Variants in DLC1 observed in about 807,000 individuals in gnomAD.
DLC1 encodes DLC1 Rho GTPase activating protein, also known as rho GTPase-activating protein 7.
In DLC1, 54 loss-of-function variants were observed where a neutral mutation model predicts 140.3. The ratio of observed to expected loss-of-function variants is 0.38; its 90% CI spans 0.31 to 0.48. The LOEUF (loss-of-function observed/expected upper bound fraction) is 0.48, where lower values mean the gene tolerates loss of function less well. Among genes scored for constraint, DLC1 ranks in the 20% least tolerant of loss-of-function variants. The pLI is 0.96. For synonymous variants in DLC1, 986 were observed against 728.1 expected, an observed-to-expected ratio of 1.35 and a Z score of -5.70; for missense variants, 2,536 against 1,907.0, an observed-to-expected ratio of 1.33 and a Z score of -6.14.
At chr8:13,249,203 A>C (rs1157726651) in intron 5 of DLC1, among the ~76,000 whole-genome samples, 2 of 152,060 alleles carry the variant, frequency 1.3e-5, no homozygotes, top group Non-Finnish European at 2.9e-5. Context: ...CAGCCTCCTG[A>C]GTAGCTGGGA....
intron 5 of DLC1, among the ~76,000 whole-genome samples, chr8:13,135,123 A>G (rs1267192220): frequency 6.6e-6 from 1 of 152,038 alleles, no homozygotes; most frequent in East Asian, 1.9e-4. Context: ...ACGGGAGGCC[A>G]GGAAAGTAAA....
chr8:13,404,405 C>T (rs1055136759), intron 2 of DLC1, among the ~76,000 whole-genome samples: 5 of 152,120 alleles, frequency 3.3e-5, no homozygotes, highest in African/African-American at 7.2e-5. Context: ...CCAGTGTCAG[C>T]TGGCATATGG....
At chr8:13,538,813 T>C (rs1803386280) in intron 1 of DLC1, among the ~76,000 whole-genome samples, 1 of 152,230 alleles carries the variant, frequency 6.6e-6, no homozygotes, top group African/African-American at 2.4e-5. Flanking sequence ...AACCTCACTG[T>C]ATGTGAGCAA....
At chr8:13,516,421 T>A (rs1042873448), upstream of DLC1, among the ~76,000 whole-genome samples, 2 of 152,232 alleles carry the variant, frequency 1.3e-5, no homozygotes, top group African/African-American at 4.8e-5. Flanking sequence ...CTTGTAGTAC[T>A]TTTTGATAAT....
At chr8:13,419,222 A>T (rs1838203536) in intron 2 of DLC1, among the ~76,000 whole-genome samples, 3 of 151,882 alleles carry the variant, frequency 2.0e-5, no homozygotes, top group African/African-American at 7.3e-5. Context: ...CTCCTGCCTA[A>T]TTGCCCTGGC....
At chr8:13,520,698 G>T (rs1441767176) in intron 1 of DLC1, among the ~76,000 whole-genome samples, 1 of 152,074 alleles carries the variant, frequency 6.6e-6, no homozygotes, top group African/African-American at 2.4e-5. Flanking sequence ...TCTTAGAAGC[G>T]AATGAGTCTG....
intron 1 of DLC1, among the ~76,000 whole-genome samples, chr8:13,566,499 T>G (rs771139813): frequency 6.6e-6 from 1 of 152,088 alleles, no homozygotes; most frequent in East Asian, 1.9e-4. Context: ...CTATAAACAC[T>G]GCAGACAAGT....
chr8:13,409,273 A>T (rs142002157), intron 2 of DLC1, among the ~76,000 whole-genome samples: 1,837 of 152,276 alleles, frequency 0.012, 31 homozygotes, highest in South Asian at 0.045. Context: ...TTAAACTACA[A>T]AATTATCAAA....
At chr8:13,221,254 C>A (rs1003650789) in intron 5 of DLC1, among the ~76,000 whole-genome samples, 1 of 152,080 alleles carries the variant, frequency 6.6e-6, no homozygotes, top group African/African-American at 2.4e-5. Context: ...GACAGCACAC[C>A]CAAATAGAGA....
intron 4 of DLC1, among the ~76,000 whole-genome samples, chr8:13,328,208 G>C (rs774940878): frequency 1.3e-4 from 20 of 152,198 alleles, no homozygotes; most frequent in Non-Finnish European, 1.5e-4. Flanking sequence ...GATCTCTGTG[G>C]CTCCTATGAG....
intron 2 of DLC1, among the ~76,000 whole-genome samples, chr8:13,478,606 C>T (rs1029834764): frequency 3.9e-4 from 60 of 152,136 alleles, no homozygotes; most frequent in African/African-American, 1.4e-3. Flanking sequence ...GTCTTTCCTC[C>T]GAGCCCTGGA....
intron 1 of DLC1, among the ~76,000 whole-genome samples, chr8:13,508,620 G>T (rs529326384): frequency 1.3e-5 from 2 of 152,004 alleles, no homozygotes; most frequent in Admixed American, 1.3e-4. Context: ...GGGTTTCACT[G>T]TGTTAGCCAG....
intron 2 of DLC1, among the ~76,000 whole-genome samples, chr8:13,434,244 T>C (rs1839012843): frequency 6.6e-6 from 1 of 152,228 alleles, no homozygotes; most frequent in South Asian, 2.1e-4. Flanking sequence ...ATGAGGATGA[T>C]GTCATAACTA....
chr8:13,341,258 T>C (rs1001295601), intron 4 of DLC1: 3 of 152,132 alleles, frequency 2.0e-5, no homozygotes, highest in African/African-American at 7.2e-5. Flanking sequence ...TCCTACCATA[T>C]ATAAAAGAAC....
chr8:13,279,731 T>C (rs917728902), intron 5 of DLC1, among the ~76,000 whole-genome samples: 8 of 152,216 alleles, frequency 5.3e-5, no homozygotes, highest in African/African-American at 1.9e-4. Context: ...ACAACCAGTT[T>C]TAAATTATTC....
intron 5 of DLC1, among the ~76,000 whole-genome samples, chr8:13,121,224 A>G (rs1821030758): frequency 6.6e-6 from 1 of 152,202 alleles, no homozygotes; most frequent in Non-Finnish European, 1.5e-5. Context: ...TTATTGCTAG[A>G]GAACCGTGTC....
At chr8:13,294,209 G>A (rs149169229) in intron 5 of DLC1, among the ~76,000 whole-genome samples, 27 of 152,218 alleles carry the variant, frequency 1.8e-4, no homozygotes, top group East Asian at 9.7e-4. Flanking sequence ...ATACTTTCTG[G>A]TTAGTTTTGC....
At chr8:13,589,371 G>T (rs1203066610) in intron 1 of DLC1, among the ~76,000 whole-genome samples, 1 of 152,008 alleles carries the variant, frequency 6.6e-6, no homozygotes, top group Non-Finnish European at 1.5e-5. Flanking sequence ...CAACAGCAAG[G>T]CACAATGAGT....
At chr8:13,318,128 A>G (rs1358951470) in intron 4 of DLC1, among the ~76,000 whole-genome samples, 1 of 152,118 alleles carries the variant, frequency 6.6e-6, no homozygotes, top group Non-Finnish European at 1.5e-5. Flanking sequence ...CCTGAGCCCA[A>G]GTGATCCTCT....
Sources: allele counts gnomAD v4.1 joint callset (sites outside exome capture counted in the v4.1 genomes callset), GRCh38; gene constraint gnomAD v4.1.1; transcripts MANE v1.5; gene names NCBI Gene and HGNC (gene_info 2026-07-23, HGNC 2026-07-21).